Variants in TOMM70 observed in about 807,000 individuals in gnomAD.
TOMM70 encodes mitochondrial import receptor subunit TOM70.
TOMM70 carries 13 observed loss-of-function variants against 73.6 expected under a neutral mutation model. That is an observed-to-expected ratio of 0.18 (90% confidence interval 0.11 to 0.28). TOMM70 has a LOEUF of 0.28. Ranked by LOEUF, TOMM70 falls within the 10% of genes least tolerant of loss-of-function variation. TOMM70 has a pLI of 1.00. For synonymous variants in TOMM70, 257 were observed against 271.2 expected (o/e 0.95, Z 0.51); for missense variants, 609 against 747.5 (o/e 0.81, Z 2.16).
intron 1 of TOMM70, among the ~76,000 whole-genome samples, chr3:100,391,515 A>AT (rs1559834900): frequency 1.5e-4 from 23 of 152,174 alleles, no homozygotes; most frequent in Admixed American, 7.2e-4. Flanking sequence ...TAAAAAAAAA[A>AT]ATTTTTTTAA....
At chr3:100,386,123 C>T in intron 3 of TOMM70, 95 bp downstream of exon 3, 4 of 1,388,914 alleles carry the variant, frequency 2.9e-6, no homozygotes, top group Non-Finnish European at 3.9e-6. Context: ...TTAAAAACAA[C>T]TGATTCTTGC....
At chr3:100,396,121 GA>G (rs971914577) in intron 1 of TOMM70, among the ~76,000 whole-genome samples, 1 of 151,410 alleles carries the variant, frequency 6.6e-6, no homozygotes, top group Non-Finnish European at 1.5e-5. Context: ...GATTAAGATT[GA>G]AAAGTGTTAA....
Position 100,400,958 on chromosome 3 carries a change from T to A in TOMM70, c.-9A>T, listed in dbSNP as rs1451178328. The A allele has an allele frequency of 6.5e-7, 1 of 1,527,878 alleles. No homozygotes were observed. Among genetic ancestry groups the A allele is most frequent in the Admixed American group, 2.0e-5 (1 of 50,462 alleles). 94.6% of individuals were successfully genotyped at this position (1,527,878 alleles called of 1,614,324 possible). On this transcript the variant is annotated 5_prime_UTR_variant, in exon 1 of 12. Transcript: ENST00000284320. ...GGTTTAGAGGCGGCCATGACAAGTGTCCTCTGCCACCGCCTCCCTGTCTGT... is the reference window on the plus strand; with the variant it reads ...GGTTTAGAGGCGGCCATGACAAGTGACCTCTGCCACCGCCTCCCTGTCTGT...
At chr3:100,389,255 G>C (rs572371024) in intron 1 of TOMM70, among the ~76,000 whole-genome samples, 31 of 152,260 alleles carry the variant, frequency 2.0e-4, no homozygotes, top group African/African-American at 7.5e-4. Context: ...CTTATACCTA[G>C]CTAAACTAGC....
chr3:100,400,566 C>A, intron 1 of TOMM70, 60 bp downstream of exon 1: 1 of 1,561,542 alleles, frequency 6.4e-7, no homozygotes, highest in Non-Finnish European at 8.7e-7. Context: ...CTGACACAAC[C>A]CGCCAAGGAA....
chr3:100,366,508 G>C (rs963494997), intron 11 of TOMM70, among the ~76,000 whole-genome samples: 28 of 152,182 alleles, frequency 1.8e-4, no homozygotes, highest in Non-Finnish European at 2.9e-4. Context: ...ATGCCAGTAA[G>C]AGGTACCACT....
intron 5 of TOMM70, among the ~76,000 whole-genome samples, 176 bp from the exon 6 acceptor site, chr3:100,378,088 AC>A (rs1318714853): frequency 6.6e-6 from 1 of 152,112 alleles, no homozygotes; most frequent in Non-Finnish European, 1.5e-5. Flanking sequence ...TACTAAAAAT[AC>A]AAAAATTAGC....
rs551863766 is a variant in TOMM70 at position 100,393,928 on chromosome 3, G to A, written c.324+6698C>T. On this transcript the variant is annotated intron_variant, in intron 1 of 11. Coordinates refer to ENST00000284320, the MANE Select transcript of TOMM70 (RefSeq NM_014820.5). ...GGATTAGCCCACATATAGAACCTCA[G>A]GAGATCAGAAATGCACCAGCCTCTA... Among the ~76,000 whole-genome samples, 13 of 152,258 alleles carry A rather than the reference G, an allele frequency of 8.5e-5. No homozygotes were observed. In the South Asian group the frequency reaches 1.5e-3, roughly 17 times the overall value.
chr3:100,398,245 A>G (rs564713476), intron 1 of TOMM70, among the ~76,000 whole-genome samples: 4 of 150,910 alleles, frequency 2.7e-5, no homozygotes, highest in African/African-American at 4.9e-5. Context: ...TTAGCCAGGC[A>G]TGGTGGCGCA....
intron 9 of TOMM70, 55 bp from the exon 10 acceptor site, chr3:100,369,190 A>G (rs1407114597): frequency 6.6e-6 from 8 of 1,220,720 alleles, no homozygotes; most frequent in Admixed American, 1.9e-5. Context: ...TAAGCAGTTA[A>G]AAGTATACTT....
intron 9 of TOMM70, 147 bp downstream of exon 9, chr3:100,372,459 A>C: frequency 1.7e-6 from 1 of 604,320 alleles, no homozygotes; most frequent in Non-Finnish European, 2.9e-6. Flanking sequence ...GTGATTCGGG[A>C]CCAACCAGGG....
chr3:100,378,242 CAA>C (rs755941817), intron 5 of TOMM70, among the ~76,000 whole-genome samples: 2 of 129,740 alleles, frequency 1.5e-5, no homozygotes, highest in Non-Finnish European at 1.7e-5. Context: ...GACTCCATCT[CAA>C]AAAAAAAAAG....
intron 1 of TOMM70, among the ~76,000 whole-genome samples, chr3:100,387,772 G>A (rs1020295079): frequency 1.3e-5 from 2 of 151,770 alleles, no homozygotes; most frequent in African/African-American, 4.8e-5. Flanking sequence ...AGTAGCTAGG[G>A]CTACCAGCGT....
At chr3:100,386,179 TTAAG>T (rs747370470) in intron 3 of TOMM70, 35 bp downstream of exon 3, 9 of 1,588,250 alleles carry the variant, frequency 5.7e-6, no homozygotes. Context: ...CTACAAAATA[TTAAG>T]TAATTTTCAT....
chr3:100,368,000 T>C (rs1168108958), intron 11 of TOMM70, 44 bp downstream of exon 11: 1 of 1,584,972 alleles, frequency 6.3e-7, no homozygotes, highest in Admixed American at 1.8e-5. Context: ...AAGCTAAATA[T>C]CTATGGAGCT....
chr3:100,394,860 G>A (rs567626467), intron 1 of TOMM70, among the ~76,000 whole-genome samples: 1 of 151,998 alleles, frequency 6.6e-6, no homozygotes, highest in South Asian at 2.1e-4. Flanking sequence ...AAGATAATAA[G>A]GATTCAAACC....
chr3:100,390,597 G>T (rs559453659), intron 1 of TOMM70, among the ~76,000 whole-genome samples: 2 of 152,314 alleles, frequency 1.3e-5, no homozygotes, highest in South Asian at 4.1e-4. Flanking sequence ...GGAGGCCAAG[G>T]CAGTAGATCA....
rs1231607169 is a variant in TOMM70 at position 100,364,499 on chromosome 3, T to C, written c.*1065A>G. On this transcript the variant is annotated 3_prime_UTR_variant, in exon 12 of 12. Coordinates refer to ENST00000284320, the MANE Select transcript of TOMM70 (RefSeq NM_014820.5). ...ATACTCCCATATATCACACTTACTC[T>C]ACCTTTATTTGGGTTTTACATACAA... 6.6e-6 allele frequency: 1 copy of C among 152,222 alleles called. No individual in the cohort carries two copies. Among genetic ancestry groups the C allele is most frequent in the Non-Finnish European group, 1.5e-5 (1 of 68,028 alleles). The allele number at this position is 152,222 out of a possible 1,614,324, so 9.4% of individuals were successfully genotyped here.
At chr3:100,371,587 C>T (rs1023076134) in intron 9 of TOMM70, among the ~76,000 whole-genome samples, 3 of 151,730 alleles carry the variant, frequency 2.0e-5, no homozygotes, top group African/African-American at 4.8e-5. Flanking sequence ...AATTTGTTAT[C>T]GTTTCCTATT....
Sources: gnomAD v4.1 joint callset for allele counts (sites outside exome capture counted in the v4.1 genomes callset) on GRCh38, gnomAD v4.1.1 for gene constraint, MANE v1.5 for transcripts, NCBI Gene and HGNC (gene_info 2026-07-23, HGNC 2026-07-21) for gene names.